OR6N1: variants seen among roughly 807,000 people sequenced by gnomAD.
The protein encoded by OR6N1 is olfactory receptor 6N1.
For synonymous variants in OR6N1, 170 were observed against 150.7 expected (o/e 1.13, Z -0.94); for missense variants, 394 against 371.7 (o/e 1.06, Z -0.49).
the OR6N1 span, among the ~76,000 whole-genome samples, chr1:158,820,515 G>A: frequency 2.4e-4 from 37 of 152,194 alleles, no homozygotes; most frequent in Admixed American, 7.8e-4. Context: ...TAGTAGGTGC[G>A]TAAGAAATAA....
chr1:158,840,036 A>C, the OR6N1 span, among the ~76,000 whole-genome samples: 1 of 152,138 alleles, frequency 6.6e-6, no homozygotes, highest in Non-Finnish European at 1.5e-5. Flanking sequence ...CCCTGGGACA[A>C]CTCTGATTTT....
intron 1 of OR6N1, among the ~76,000 whole-genome samples, chr1:158,767,135 C>G (rs975231088): frequency 6.6e-6 from 1 of 152,064 alleles, no homozygotes; most frequent in African/African-American, 2.4e-5. Context: ...ATATTATTTT[C>G]TAATTTCTCA....
At chr1:158,770,365 C>CA (rs1032908779) in intron 1 of OR6N1, among the ~76,000 whole-genome samples, 1 of 152,186 alleles carries the variant, frequency 6.6e-6, no homozygotes, top group Non-Finnish European at 1.5e-5. Flanking sequence ...CTAGCACCCC[C>CA]AACTCCCTCA....
At chr1:158,815,529 A>C in the OR6N1 span, among the ~76,000 whole-genome samples, 1 of 152,204 alleles carries the variant, frequency 6.6e-6, no homozygotes, top group Non-Finnish European at 1.5e-5. Flanking sequence ...AGAGATATAC[A>C]CAGGATGCTC....
the OR6N1 span, among the ~76,000 whole-genome samples, chr1:158,806,753 A>C: frequency 6.6e-6 from 1 of 152,076 alleles, no homozygotes; most frequent in Non-Finnish European, 1.5e-5. Context: ...GCCCAAAATC[A>C]TAGAGGCAAA....
intron 1 of OR6N1, among the ~76,000 whole-genome samples, chr1:158,768,586 C>T (rs1571603310): frequency 6.6e-6 from 1 of 152,214 alleles, no homozygotes; most frequent in South Asian, 2.1e-4. Context: ...TCTCAACACA[C>T]CAGAGTGATC....
At chr1:158,820,027 A>AAGAC in the OR6N1 span, among the ~76,000 whole-genome samples, 3 of 152,240 alleles carry the variant, frequency 2.0e-5, no homozygotes, top group African/African-American at 7.2e-5. Flanking sequence ...TATTGACAGC[A>AAGAC]AGCCAGTCAT....
At chr1:158,772,689 G>A (rs1473315329), upstream of OR6N1, among the ~76,000 whole-genome samples, 4 of 152,178 alleles carry the variant, frequency 2.6e-5, no homozygotes, top group African/African-American at 4.8e-5. Context: ...ACACACTGCA[G>A]TCTCCTCTCT....
the OR6N1 span, among the ~76,000 whole-genome samples, chr1:158,803,134 C>A: frequency 6.6e-6 from 1 of 152,038 alleles, no homozygotes; most frequent in Admixed American, 6.5e-5. Flanking sequence ...ACAAGTAAAT[C>A]ATATTAAACG....
At chr1:158,824,300 C>T in the OR6N1 span, among the ~76,000 whole-genome samples, 1 of 152,140 alleles carries the variant, frequency 6.6e-6, no homozygotes, top group Non-Finnish European at 1.5e-5. Context: ...ATGTGACTTG[C>T]TCCTCCTAGC....
Position 158,765,809 on chromosome 1 carries a change from A to T in OR6N1, c.874T>A (p.Leu292Met). Residue 292 changes from leucine (L) to methionine (M), a missense_variant, in exon 2 of 2, where the codon TTG becomes ATG. By Grantham distance (15) the Leu-to-Met change is conservative (BLOSUM62 2). Transcript: ENST00000641846. ...TPFLNPFIYS[L>M]RNKEIKEAVR... ...GCCTCCTTGATCTCCTTGTTGCGCAAGCTGTAGATGAAGGGGTTGAGGAAG... is the reference window on the plus strand; with the variant it reads ...GCCTCCTTGATCTCCTTGTTGCGCATGCTGTAGATGAAGGGGTTGAGGAAG... 1 of 1,614,146 alleles carries T rather than the reference A, an allele frequency of 6.2e-7. No individual in the cohort carries two copies. The highest frequency in any genetic ancestry group is 8.5e-7 in the Non-Finnish European group (1 of 1,180,004).
upstream of OR6N1, chr1:158,777,060 T>A: frequency 1.2e-6 from 2 of 1,614,132 alleles, no homozygotes; most frequent in Non-Finnish European, 1.7e-6. Context: ...TGTTAGCAGA[T>A]GTGTCCTTGC....
the OR6N1 span, among the ~76,000 whole-genome samples, chr1:158,834,440 T>G: frequency 6.6e-6 from 1 of 151,988 alleles, no homozygotes; most frequent in Non-Finnish European, 1.5e-5. Context: ...ACCGTGTTTA[T>G]CAATTTTTAT....
chr1:158,791,735 T>C, the OR6N1 span, among the ~76,000 whole-genome samples: 3 of 152,222 alleles, frequency 2.0e-5, no homozygotes, highest in Non-Finnish European at 4.4e-5. Context: ...CCCAAAGTGC[T>C]GGGATTACAG....
chr1:158,837,663 G>A, the OR6N1 span, among the ~76,000 whole-genome samples: 3 of 151,588 alleles, frequency 2.0e-5, no homozygotes, highest in African/African-American at 7.3e-5. Context: ...TGATATATAT[G>A]TATATATAAT....
the OR6N1 span, among the ~76,000 whole-genome samples, chr1:158,839,496 T>C: frequency 6.6e-6 from 1 of 152,136 alleles, no homozygotes; most frequent in Non-Finnish European, 1.5e-5. Context: ...CACCACTACT[T>C]TTTGCAGCCT....
chr1:158,819,786 C>T, the OR6N1 span, among the ~76,000 whole-genome samples: 8 of 152,198 alleles, frequency 5.3e-5, no homozygotes, highest in African/African-American at 1.9e-4. Flanking sequence ...ATGACTCACT[C>T]TCAGACACTA....
the OR6N1 span, among the ~76,000 whole-genome samples, chr1:158,830,157 TG>T: frequency 6.6e-6 from 1 of 152,212 alleles, no homozygotes; most frequent in Non-Finnish European, 1.5e-5. Context: ...TGAGCTCTTT[TG>T]GTTCCCAAAC....
intron 1 of OR6N1, 83 bp downstream of exon 1, chr1:158,771,938 A>G (rs1657434013): frequency 6.6e-6 from 1 of 152,198 alleles, no homozygotes; most frequent in Non-Finnish European, 1.5e-5. Flanking sequence ...AAACCTCTCC[A>G]TATTTCTGAA....
Sources: gnomAD v4.1 joint callset for allele counts (sites outside exome capture counted in the v4.1 genomes callset) on GRCh38, gnomAD v4.1.1 for gene constraint, MANE v1.5 for transcripts, NCBI Gene and HGNC (gene_info 2026-07-23, HGNC 2026-07-21) for gene names.